The following CCNDBP1 variants were observed in gnomAD, a reference collection of about 807,000 sequenced individuals.
CCNDBP1 encodes the protein cyclin D1 binding protein 1.
In CCNDBP1, 45 loss-of-function variants were observed where a neutral mutation model predicts 46.2. That is an observed-to-expected ratio of 0.97 (90% CI 0.77 to 1.25). The LOEUF (loss-of-function observed/expected upper bound fraction) is 1.25. Ranked by LOEUF, CCNDBP1 falls within the 50% of genes most tolerant of loss-of-function variation. The pLI is 0.00. For synonymous variants in CCNDBP1, 154 were observed against 163.6 expected (o/e 0.94, Z 0.45); for missense variants, 436 against 442.1 (o/e 0.99, Z 0.12).
intron 8 of CCNDBP1, among the ~76,000 whole-genome samples, chr15:43,192,045 T>G: frequency 6.6e-6 from 1 of 152,224 alleles, no homozygotes; most frequent in Non-Finnish European, 1.5e-5. Flanking sequence ...AATAGTATTA[T>G]CTAATATTCA....
rs757653956 is a variant in CCNDBP1 at position 43,191,659 on chromosome 15, G to A, written c.844G>A (p.Asp282Asn). The A allele has an allele frequency of 1.2e-6, 2 of 1,605,744 alleles. No individual in the cohort carries two copies. The highest frequency in any genetic ancestry group is 1.3e-5 in the African/African-American group (1 of 74,910). Reference sequence around the variant, plus strand: ...GCTGGATGACATTGTGGATATTTCTGATGAAATCAGCCCTAGGTAAGCGGG... The same window carrying A: ...GCTGGATGACATTGTGGATATTTCTAATGAAATCAGCCCTAGGTAAGCGGG... Reference protein sequence around the residue: ...AQLDDIVDISDEISPSVDDLA... With the variant: ...AQLDDIVDISNEISPSVDDLA... The change falls in exon 8 of 11, where the codon GAT (aspartate) becomes AAT (asparagine). Residue 282 changes from aspartate (D) to asparagine (N), a missense_variant. Asp to Asn is a conservative substitution (Grantham distance 23). Transcript: ENST00000300213.
rs979837727 is a variant in CCNDBP1, at chr15:43,195,416, T to A, written c.*575T>A. On this transcript the variant is annotated 3_prime_UTR_variant, in exon 11 of 11. Coordinates refer to ENST00000300213, the MANE Select transcript of CCNDBP1 (RefSeq NM_012142.5). ...AGTCCTTCTGAATATTATCACAGATTACTCCATGTCTCTAAAATATATTGG... is the reference window on the plus strand; with the variant it reads ...AGTCCTTCTGAATATTATCACAGATAACTCCATGTCTCTAAAATATATTGG... 6.6e-6 allele frequency: 1 copy of A among 152,278 alleles called. No individual in the cohort carries two copies. Among genetic ancestry groups the A allele is most frequent in the African/African-American group, 2.4e-5 (1 of 41,464 alleles). The allele number at this position is 152,278 out of a possible 1,614,324, so 9.4% of individuals were successfully genotyped here. A position where few individuals can be genotyped will look rare whatever the true frequency, so the allele number is the denominator to read the frequency against.
In CCNDBP1 at chr15:43,190,404, T is replaced by C. The variant is rs748905663; in HGVS notation, c.502+6T>C. ...GATGCCTCAGATACCAAGAGGTGAG[T>C]GAAAGTGGGCAGTGGGCCATGTCTG... is the stretch of plus-strand genomic sequence containing the variant. On this transcript the variant is annotated splice_donor_region_variant and intron_variant, in intron 6 of 10. Coordinates refer to ENST00000300213, the MANE Select transcript of CCNDBP1 (RefSeq NM_012142.5). 2 of 1,613,648 alleles carry C rather than the reference T, an allele frequency of 1.2e-6. No homozygotes were observed. Among genetic ancestry groups the C allele is most frequent in the South Asian group, 2.2e-5 (2 of 91,032 alleles).
At chr15:43,194,277 T>C (rs2042009452) in intron 9 of CCNDBP1, 138 bp from the exon 10 acceptor site, 1 of 593,166 alleles carries the variant, frequency 1.7e-6, no homozygotes. Flanking sequence ...CCTAACCTAA[T>C]CAGCATTTTA....
chr15:43,188,538 C>CA (rs2041889370), intron 3 of CCNDBP1: 1 of 152,234 alleles, frequency 6.6e-6, no homozygotes, highest in Admixed American at 6.5e-5. Context: ...ACTTCATTTC[C>CA]AAAAACAGGC....
intron 3 of CCNDBP1, among the ~76,000 whole-genome samples, chr15:43,188,082 G>A (rs185147017): frequency 1.3e-5 from 2 of 152,098 alleles, no homozygotes. Flanking sequence ...TTGAATAAAT[G>A]TCAAATTGCC....
intron 9 of CCNDBP1, chr15:43,193,036 T>C (rs1213894373): frequency 1.9e-6 from 1 of 537,176 alleles, no homozygotes; most frequent in Non-Finnish European, 3.3e-6. Flanking sequence ...TGGGTAATCA[T>C]TCAGAAAAGC....
intron 6 of CCNDBP1, among the ~76,000 whole-genome samples, chr15:43,190,663 T>G (rs998167926): frequency 3.3e-5 from 5 of 152,170 alleles, no homozygotes; most frequent in Admixed American, 6.5e-5. Context: ...AAGAGTAGTA[T>G]TATGGAGCAC....
At position 43,191,548 on chromosome 15, in the gene CCNDBP1, C is replaced by G. The variant is rs750871228; in HGVS notation, c.733C>G (p.Leu245Val). ...CGATCAAGAGCTCATAATCCCATGC[C>G]TTGCGCTGGTGAGAGCATCCAAAGC... The part of the protein sequence containing the change: ...EDDQELIIPC[L>V]ALVRASKACL... Residue 245 changes from leucine to valine, a missense_variant, in exon 8 of 11, where the codon CTT becomes GTT. Coordinates refer to ENST00000300213, the MANE Select transcript of CCNDBP1 (RefSeq NM_012142.5). 2.7e-5 allele frequency: 44 copies of G among 1,613,920 alleles called. No individual in the cohort carries two copies. The highest frequency in any genetic ancestry group is 6.7e-5 in the Admixed American group (4 of 59,982).
intron 3 of CCNDBP1, among the ~76,000 whole-genome samples, chr15:43,187,864 TATACATATATTCAAATAA>T (rs1267693372): frequency 1.3e-5 from 2 of 152,142 alleles, no homozygotes; most frequent in Non-Finnish European, 2.9e-5. Context: ...TATTCAAGTA[TATACATATATTCAAATAA>T]ATACATATAT....
chr15:43,185,509 C>T lies in CCNDBP1; in HGVS notation c.11C>T (p.Ala4Val), dbSNP rs1290724872. 6.3e-7 allele frequency: 1 copy of T among 1,592,902 alleles called. No individual in the cohort carries two copies. Among genetic ancestry groups the T allele is most frequent in the Admixed American group, 1.7e-5 (1 of 57,856 alleles). ...CGGCAAGCGACTGAGATGGCGAGCG[C>T]AACTGCACCTGCAGCCGCAGTCCCC... MAS[A>V]TAPAAAVPTL... The change falls in exon 1 of 11, where the codon GCA becomes GTA. Residue 4 changes from alanine to valine, a missense_variant. Ala to Val is a moderately conservative substitution (Grantham distance 64). Coordinates refer to ENST00000300213, the MANE Select transcript of CCNDBP1 (RefSeq NM_012142.5).
rs1246406624 is a variant in CCNDBP1, at chr15:43,185,456, G to A, written c.-43G>A. 1.4e-6 allele frequency: 2 copies of A among 1,452,634 alleles called. No individual in the cohort carries two copies. The highest frequency in any genetic ancestry group is 2.4e-5 in the East Asian group (1 of 40,826). 90.0% of individuals were successfully genotyped at this position (1,452,634 alleles called of 1,614,324 possible). A position where few individuals can be genotyped will look rare whatever the true frequency, so the allele number is the denominator to read the frequency against. ...GCTGTCGCAGTGCGGCTCCGGCAGT[G>A]GCAGCGGAGGCCTGTGTTTGCGGCC... is the stretch of plus-strand genomic sequence containing the variant. On this transcript the variant is annotated 5_prime_UTR_variant, in exon 1 of 11. Coordinates refer to ENST00000300213, the MANE Select transcript of CCNDBP1 (RefSeq NM_012142.5).
chr15:43,196,959 C>T lies in CCNDBP1; in HGVS notation c.*2118C>T, dbSNP rs74329663. 1 of 355,582 alleles carries T rather than the reference C, an allele frequency of 2.8e-6. No homozygotes were observed. The highest frequency in any genetic ancestry group is 5.4e-6 in the Non-Finnish European group (1 of 183,542). The allele number at this position is 355,582 out of a possible 1,614,324, so 22.0% of individuals were successfully genotyped here. ...CCATTGGTGGGGTAATGAGTAAGTTCTCGCTCTATATGTCCCTCCCCCACC... is the reference window on the plus strand; with the variant it reads ...CCATTGGTGGGGTAATGAGTAAGTTTTCGCTCTATATGTCCCTCCCCCACC... On this transcript the variant is annotated 3_prime_UTR_variant, in exon 11 of 11. Coordinates refer to ENST00000300213, the MANE Select transcript of CCNDBP1 (RefSeq NM_012142.5).
At position 43,196,283 on chromosome 15, in the gene CCNDBP1, T is replaced by A. The variant is rs2042036752; in HGVS notation, c.*1442T>A. The A allele has an allele frequency of 7.1e-6, 1 of 139,958 alleles. No individual in the cohort carries two copies. The allele number at this position is 139,958 out of a possible 1,614,324, so 8.7% of individuals were successfully genotyped here. A position where few individuals can be genotyped will look rare whatever the true frequency, so the allele number is the denominator to read the frequency against. On this transcript the variant is annotated 3_prime_UTR_variant, in exon 11 of 11. Transcript: ENST00000300213. ...GGAAAGCACTGATCAATGTAATTTTTTTTTTTTTTTTTTTTTTTTTGAGAT... is the reference window on the plus strand; with the variant it reads ...GGAAAGCACTGATCAATGTAATTTTATTTTTTTTTTTTTTTTTTTTGAGAT...
chr15:43,194,503 C>T lies in CCNDBP1; in HGVS notation c.968+42C>T, dbSNP rs188597001. On this transcript the variant is annotated intron_variant, in intron 10 of 10. Coordinates refer to ENST00000300213, the MANE Select transcript of CCNDBP1 (RefSeq NM_012142.5). Reference sequence around the variant, plus strand: ...CTCAGATAGCTTTTTGTGAGTAAAACGGAACTGCTGTCCAGACGTTCTCAA... The same window carrying T: ...CTCAGATAGCTTTTTGTGAGTAAAATGGAACTGCTGTCCAGACGTTCTCAA... 9.8e-4 allele frequency: 1,471 copies of T among 1,499,198 alleles called. 1 individual carries two copies. Among genetic ancestry groups the T allele is most frequent in the Non-Finnish European group, 1.2e-3 (1,349 of 1,088,714 alleles). 92.9% of individuals were successfully genotyped at this position (1,499,198 alleles called of 1,614,324 possible).
intron 4 of CCNDBP1, 50 bp from the exon 5 acceptor site, chr15:43,190,005 G>A (rs370889208): frequency 1.4e-5 from 21 of 1,493,236 alleles, no homozygotes; most frequent in Non-Finnish European, 2.8e-6. Flanking sequence ...AAAGCAGATG[G>A]TGCTTCTGAA....
At position 43,194,400 on chromosome 15, in the gene CCNDBP1, G is replaced by A; in HGVS notation, c.922-15G>A. 1.3e-6 allele frequency: 2 copies of A among 1,599,018 alleles called. No individual in the cohort carries two copies. Among genetic ancestry groups the A allele is most frequent in the Non-Finnish European group, 8.5e-7 (1 of 1,174,910 alleles). ...GTAGGGCTCAGGGTGAATAACTTCT[G>A]TGTTTCTTTTCTAGTCTGCGAAACT... On this transcript the variant is annotated splice_polypyrimidine_tract_variant and intron_variant, in intron 9 of 10. Coordinates refer to ENST00000300213, the MANE Select transcript of CCNDBP1 (RefSeq NM_012142.5).
chr15:43,191,103 AAG>A (rs896235423), intron 7 of CCNDBP1, 61 bp downstream of exon 7: 39 of 1,335,444 alleles, frequency 2.9e-5, no homozygotes, highest in Non-Finnish European at 4.1e-5. Flanking sequence ...ATTAATTATA[AAG>A]AGAGATTTCC....
In CCNDBP1 at chr15:43,190,919, G is replaced by A. The variant is rs745348811; in HGVS notation, c.503-47G>A. The A allele has an allele frequency of 6.2e-6, 9 of 1,450,106 alleles. No individual in the cohort carries two copies. In the South Asian group the frequency reaches 8.0e-5, roughly 13 times the overall value. The allele number at this position is 1,450,106 out of a possible 1,614,324, so 89.8% of individuals were successfully genotyped here. On this transcript the variant is annotated intron_variant, in intron 6 of 10. Transcript: ENST00000300213. ...TGTTCCTTGCAGTCATAAGAAAATT[G>A]TTGGATTTCTCCTCTAATTCTAGTG...
Sources: allele counts gnomAD v4.1 joint callset (sites outside exome capture counted in the v4.1 genomes callset), GRCh38; gene constraint gnomAD v4.1.1; transcripts MANE v1.5; gene names NCBI Gene and HGNC (gene_info 2026-07-23, HGNC 2026-07-21).